Variants in PPP2R3A observed in about 807,000 individuals in gnomAD.
PPP2R3A encodes the protein serine/threonine-protein phosphatase 2A regulatory subunit B'' subunit alpha.
PPP2R3A carries 80 observed loss-of-function variants against 106.9 expected under a neutral mutation model. That is an observed-to-expected ratio of 0.75 (90% CI 0.62 to 0.90). The LOEUF is 0.90. PPP2R3A is among the 40% of genes least tolerant of loss of function. The pLI, the probability that PPP2R3A is intolerant of heterozygous loss-of-function variation, is 0.00. For missense variants in PPP2R3A, 1,386 were observed against 1,350.4 expected (o/e 1.03, Z -0.41); for synonymous variants, 483 against 468.3 (o/e 1.03, Z -0.41).
intron 3 of PPP2R3A, among the ~76,000 whole-genome samples, chr3:136,028,244 A>G (rs528921193): frequency 5.3e-5 from 8 of 152,300 alleles, no homozygotes; most frequent in African/African-American, 1.9e-4. Flanking sequence ...CTCACTTGTC[A>G]TGCCCTGCCC....
chr3:136,066,981 A>G (rs904479881), intron 5 of PPP2R3A, among the ~76,000 whole-genome samples: 17 of 152,196 alleles, frequency 1.1e-4, no homozygotes, highest in African/African-American at 4.1e-4. Flanking sequence ...GTTAAAGCCA[A>G]TATCTTATTT....
At position 136,001,912 on chromosome 3, in the gene PPP2R3A, A is replaced by T. The variant is rs1933638768; in HGVS notation, c.414A>T (p.Ala138=). 1 of 1,614,188 alleles carries T rather than the reference A, an allele frequency of 6.2e-7. No homozygotes were observed. The highest frequency in any genetic ancestry group is 2.2e-5 in the East Asian group (1 of 44,886). ...SFEKLKNSNH[A]AYRKGRKVKS... is the part of the protein sequence containing the mutation. Reference sequence around the variant, plus strand: ...AAAAACTCAAAAACTCTAACCATGCAGCTTACAGAAAGGGAAGGAAAGTTA... The same window carrying T: ...AAAAACTCAAAAACTCTAACCATGCTGCTTACAGAAAGGGAAGGAAAGTTA... The change falls in exon 2 of 14, where the codon GCA becomes GCT. Residue 138 remains alanine (A), a synonymous_variant. Transcript: ENST00000264977.
intron 8 of PPP2R3A, chr3:136,087,629 A>G: frequency 3.0e-6 from 1 of 330,772 alleles, no homozygotes; most frequent in South Asian, 7.5e-5. Context: ...TTTTTGTCCT[A>G]GCTGTCAGGA....
chr3:136,005,945 C>T (rs975433783), intron 2 of PPP2R3A, among the ~76,000 whole-genome samples: 1 of 152,168 alleles, frequency 6.6e-6, no homozygotes, highest in Non-Finnish European at 1.5e-5. Flanking sequence ...CCTCTTCCCC[C>T]ATTATCTTCT....
intron 12 of PPP2R3A, 102 bp downstream of exon 12, chr3:136,103,478 G>T (rs1189085967): frequency 2.7e-6 from 2 of 730,100 alleles, no homozygotes; most frequent in East Asian, 5.4e-5. Context: ...CGGTAAAGAG[G>T]TAACATTTGT....
At chr3:135,995,553 C>G (rs1019514190) in intron 1 of PPP2R3A, among the ~76,000 whole-genome samples, 1 of 149,680 alleles carries the variant, frequency 6.7e-6, no homozygotes. Context: ...CTCACTGCAG[C>G]CTCTGCCTCC....
intron 2 of PPP2R3A, among the ~76,000 whole-genome samples, chr3:136,012,678 A>G (rs1934124595): frequency 6.6e-6 from 1 of 152,240 alleles, no homozygotes; most frequent in Admixed American, 6.5e-5. Flanking sequence ...CAGAAAGGTT[A>G]TGAAATCTAG....
rs1203816324 is a variant in PPP2R3A at position 136,123,894 on chromosome 3, T to G, written c.3329+17572T>G. Among the ~76,000 whole-genome samples, 4 of 152,208 alleles carry G rather than the reference T, an allele frequency of 2.6e-5. No homozygotes were observed. In the East Asian group the frequency reaches 7.7e-4, roughly 29 times the overall value. The stretch of plus-strand genomic sequence containing the variant: ...AGACTTAATAGTCAACACATTTGAT[T>G]TAATCATTATTAGGGCACACTCCAC... On this transcript the variant is annotated intron_variant, in intron 13 of 13. Coordinates refer to ENST00000264977, the MANE Select transcript of PPP2R3A (RefSeq NM_002718.5).
intron 13 of PPP2R3A, among the ~76,000 whole-genome samples, chr3:136,136,068 AAAAAATTAT>A (rs1387607943): frequency 0.012 from 397 of 32,292 alleles, 21 homozygotes; most frequent in Admixed American, 0.036. Context: ...AAAAAAAAAA[AAAAAATTAT>A]ATATATATAT....
intron 1 of PPP2R3A, among the ~76,000 whole-genome samples, chr3:135,982,687 C>T (rs1216902124): frequency 6.6e-6 from 1 of 152,164 alleles, no homozygotes; most frequent in African/African-American, 2.4e-5. Flanking sequence ...TTGGTTTGGA[C>T]TCCCCTTTGG....
In PPP2R3A at chr3:136,145,042, G is replaced by C; in HGVS notation, c.3330-1G>C. 3 of 1,607,648 alleles carry C rather than the reference G, an allele frequency of 1.9e-6. No individual in the cohort carries two copies. Among genetic ancestry groups the C allele is most frequent in the African/African-American group, 1.3e-5 (1 of 74,644 alleles). The stretch of plus-strand genomic sequence containing the variant: ...AATTCACTTTTGCTTTGTTATTTCA[G>C]CTTTGAAGATTATGAAACAGATGAA... On this transcript the variant is annotated splice_acceptor_variant, in intron 13 of 13. Coordinates refer to ENST00000264977, the MANE Select transcript of PPP2R3A (RefSeq NM_002718.5). LOFTEE classifies it high-confidence loss of function.
chr3:136,057,212 A>G (rs1935899343), intron 5 of PPP2R3A, among the ~76,000 whole-genome samples: 1 of 152,206 alleles, frequency 6.6e-6, no homozygotes, highest in African/African-American at 2.4e-5. Context: ...AAATAAGTAT[A>G]TCTGCACTCT....
At chr3:136,062,748 G>A (rs1276860269) in intron 5 of PPP2R3A, among the ~76,000 whole-genome samples, 2 of 151,504 alleles carry the variant, frequency 1.3e-5, no homozygotes, top group South Asian at 2.1e-4. Context: ...AAGGAAACAA[G>A]GCTATGATGA....
chr3:136,025,841 T>C (rs1934632024), intron 2 of PPP2R3A, among the ~76,000 whole-genome samples: 1 of 152,116 alleles, frequency 6.6e-6, no homozygotes, highest in Admixed American at 6.6e-5. Flanking sequence ...GCCTTGATAA[T>C]TTGGCCATTA....
At chr3:135,996,541 G>A (rs551004001) in intron 1 of PPP2R3A, among the ~76,000 whole-genome samples, 1 of 152,324 alleles carries the variant, frequency 6.6e-6, no homozygotes, top group African/African-American at 2.4e-5. Context: ...TGCACAAACA[G>A]ATGTCATCCT....
At chr3:135,974,850 G>T (rs1408369781) in intron 1 of PPP2R3A, among the ~76,000 whole-genome samples, 1 of 152,210 alleles carries the variant, frequency 6.6e-6, no homozygotes, top group African/African-American at 2.4e-5. Flanking sequence ...TGTGAGATTA[G>T]AAATAAAAAG....
chr3:136,043,229 G>A (rs937414878), intron 4 of PPP2R3A, among the ~76,000 whole-genome samples: 1 of 152,126 alleles, frequency 6.6e-6, no homozygotes, highest in Non-Finnish European at 1.5e-5. Context: ...GGAGGCCAAG[G>A]TGGGCAGATC....
chr3:135,971,420 A>G (rs1937243382), intron 1 of PPP2R3A, among the ~76,000 whole-genome samples: 1 of 152,192 alleles, frequency 6.6e-6, no homozygotes, highest in African/African-American at 2.4e-5. Flanking sequence ...CACATTGGCA[A>G]CCTTAACCTA....
chr3:136,051,443 C>T (rs1395339960), intron 5 of PPP2R3A, among the ~76,000 whole-genome samples: 6 of 152,178 alleles, frequency 3.9e-5, no homozygotes, highest in African/African-American at 1.4e-4. Flanking sequence ...GATTGTCCTG[C>T]CTCAGCCTCC....
Sources: allele counts gnomAD v4.1 joint callset (sites outside exome capture counted in the v4.1 genomes callset), GRCh38; gene constraint gnomAD v4.1.1; transcripts MANE v1.5; gene names NCBI Gene and HGNC (gene_info 2026-07-23, HGNC 2026-07-21).